The following CCNY variants were observed in gnomAD, a reference collection of about 807,000 sequenced individuals.
The protein encoded by CCNY is cyclin Y.
A neutral mutation model predicts 42.8 loss-of-function variants in CCNY; 19 were observed. That is an observed-to-expected ratio of 0.44 (90% CI 0.31 to 0.65). CCNY has a LOEUF of 0.65. Ranked by LOEUF, CCNY falls within the 30% of genes least tolerant of loss-of-function variation. The pLI is 0.07. For missense variants in CCNY, 370 were observed against 437.3 expected (o/e 0.85, Z 1.37); for synonymous variants, 165 against 162.7 (o/e 1.01, Z -0.11).
At position 35,351,888 on chromosome 10, in the gene CCNY, T is replaced by C. The variant is rs546589144; in HGVS notation, c.154+14681T>C. Among the ~76,000 whole-genome samples the C allele has an allele frequency of 5.3e-5, 8 of 152,322 alleles. No individual in the cohort carries two copies. In the East Asian group the frequency reaches 5.8e-4, roughly 11 times the overall value. On this transcript the variant is annotated intron_variant, in intron 1 of 9. Transcript: ENST00000374704. Reference sequence around the variant, plus strand: ...CTCCTGAATGTCTTCAGCCTAATAATCTAAAGAGCCATTTATTATACACTT... The same window carrying C: ...CTCCTGAATGTCTTCAGCCTAATAACCTAAAGAGCCATTTATTATACACTT...
At chr10:35,393,927 T>G (rs1837469801) in intron 1 of CCNY, among the ~76,000 whole-genome samples, 1 of 152,080 alleles carries the variant, frequency 6.6e-6, no homozygotes, top group African/African-American at 2.4e-5. Context: ...AGTTTACAAA[T>G]CTAGGCTTTT....
chr10:35,261,245 T>G (rs2095719349), intron 3 of CCNY, among the ~76,000 whole-genome samples: 1 of 150,436 alleles, frequency 6.6e-6, no homozygotes, highest in Non-Finnish European at 1.5e-5. Context: ...AAAAATTTTT[T>G]TTTTTTTTTT....
intron 1 of CCNY, among the ~76,000 whole-genome samples, chr10:35,361,929 A>T (rs148558433): frequency 6.6e-6 from 1 of 152,202 alleles, no homozygotes; most frequent in Non-Finnish European, 1.5e-5. Context: ...GAATGCCAAC[A>T]TGATGCCACA....
At chr10:35,466,701 C>T (rs531644264) in intron 1 of CCNY, among the ~76,000 whole-genome samples, 122 of 152,276 alleles carry the variant, frequency 8.0e-4, no homozygotes, top group African/African-American at 2.6e-3. Flanking sequence ...CAGTAGAGTG[C>T]TCAAAAGGGA....
At chr10:35,539,924 C>T (rs1840964691) in intron 7 of CCNY, among the ~76,000 whole-genome samples, 1 of 152,150 alleles carries the variant, frequency 6.6e-6, no homozygotes, top group African/African-American at 2.4e-5. Flanking sequence ...ATAGATTGAT[C>T]TTGTACCCTG....
intron 1 of CCNY, among the ~76,000 whole-genome samples, chr10:35,352,902 G>A (rs948073236): frequency 1.3e-5 from 2 of 152,148 alleles, no homozygotes; most frequent in African/African-American, 4.8e-5. Flanking sequence ...ATCCAGGCTG[G>A]ACTGGGCATA....
chr10:35,504,076 G>T (rs1410068672), intron 3 of CCNY, among the ~76,000 whole-genome samples: 1 of 152,062 alleles, frequency 6.6e-6, no homozygotes, highest in Non-Finnish European at 1.5e-5. Context: ...TATTGTGAGG[G>T]ATGTTGTTTC....
chr10:35,441,316 A>G (rs1018669737), intron 1 of CCNY, among the ~76,000 whole-genome samples: 1 of 152,268 alleles, frequency 6.6e-6, no homozygotes, highest in African/African-American at 2.4e-5. Context: ...AACAGAGACA[A>G]GATGAATAAG....
chr10:35,464,161 G>A lies in CCNY; in HGVS notation c.155-19243G>A, dbSNP rs141881309. The stretch of plus-strand genomic sequence containing the variant: ...TAAACCCAGCAGCATATCCACCGCC[G>A]AACTGGGTCTTCCAGCTCCCTCCTC... On this transcript the variant is annotated intron_variant, in intron 1 of 9. Transcript: ENST00000374704. Among the ~76,000 whole-genome samples the A allele has an allele frequency of 9.7e-3, 1,484 of 152,266 alleles. 31 individuals are homozygous for A. Among genetic ancestry groups the A allele is most frequent in the African/African-American group, 0.034 (1,425 of 41,554 alleles).
chr10:35,316,769 A>G (rs1346458946), intron 3 of CCNY, among the ~76,000 whole-genome samples: 1 of 152,250 alleles, frequency 6.6e-6, no homozygotes, highest in East Asian at 1.9e-4. Flanking sequence ...CCAAAATAGC[A>G]TATTAAAATC....
intron 3 of CCNY, among the ~76,000 whole-genome samples, chr10:35,281,856 A>G (rs1037158063): frequency 1.3e-5 from 2 of 152,162 alleles, no homozygotes; most frequent in Admixed American, 6.6e-5. Flanking sequence ...AAATATACTG[A>G]AAACACTCAA....
intron 3 of CCNY, among the ~76,000 whole-genome samples, chr10:35,321,752 T>A (rs1052386387): frequency 6.6e-5 from 10 of 152,200 alleles, no homozygotes; most frequent in Non-Finnish European, 1.5e-4. Flanking sequence ...GGACTTAGAA[T>A]GCAAAAAATT....
At chr10:35,458,212 A>G (rs1021965497) in intron 1 of CCNY, among the ~76,000 whole-genome samples, 11 of 152,196 alleles carry the variant, frequency 7.2e-5, no homozygotes, top group African/African-American at 2.7e-4. Context: ...GACCCCACCC[A>G]TTGCACCTCA....
At chr10:35,477,840 G>A (rs1172030712) in intron 1 of CCNY, among the ~76,000 whole-genome samples, 5 of 151,738 alleles carry the variant, frequency 3.3e-5, no homozygotes, top group Admixed American at 6.6e-5. Context: ...AAAAGAGGAA[G>A]TCAAATTGTC....
chr10:35,381,122 A>C (rs1043343189), intron 1 of CCNY, among the ~76,000 whole-genome samples: 1 of 152,252 alleles, frequency 6.6e-6, no homozygotes, highest in Non-Finnish European at 1.5e-5. Flanking sequence ...CTAAATGTCT[A>C]GAATTTTGCC....
At chr10:35,394,762 A>T in intron 1 of CCNY, 1 of 743,982 alleles carries the variant, frequency 1.3e-6, no homozygotes, top group Non-Finnish European at 1.6e-6. Flanking sequence ...TTCATTCCTT[A>T]CTTAACCTCT....
rs186557930 is a variant in CCNY, at chr10:35,469,061, G to A, written c.155-14343G>A. 6.5e-3 allele frequency among the ~76,000 whole-genome samples: 990 copies of A among 152,326 alleles called. 13 individuals carry two copies. Among genetic ancestry groups the A allele is most frequent in the Non-Finnish European group, 7.1e-3 (485 of 68,032 alleles). ...AGTGTCTTCAAACCAAGATACTTCT[G>A]AGAGTAAAGGGGGTTAGAATTCTTT... On this transcript the variant is annotated intron_variant, in intron 1 of 9. Transcript: ENST00000374704.
At chr10:35,304,563 G>C (rs889497774) in intron 3 of CCNY, among the ~76,000 whole-genome samples, 1 of 52,960 alleles carries the variant, frequency 1.9e-5, no homozygotes, top group Non-Finnish European at 3.4e-5. Flanking sequence ...GCCCGCCTCG[G>C]CCTCCCAAAG....
chr10:35,383,057 C>T (rs1198048540), intron 1 of CCNY, among the ~76,000 whole-genome samples: 1 of 152,038 alleles, frequency 6.6e-6, no homozygotes, highest in Non-Finnish European at 1.5e-5. Context: ...ATCGAAAACG[C>T]AATATTTCGG....
Sources: gnomAD v4.1 joint callset for allele counts (sites outside exome capture counted in the v4.1 genomes callset) on GRCh38, gnomAD v4.1.1 for gene constraint, MANE v1.5 for transcripts, NCBI Gene and HGNC (gene_info 2026-07-23, HGNC 2026-07-21) for gene names.